The following GPHN variants were observed in gnomAD, a reference collection of about 807,000 sequenced individuals.
The protein encoded by GPHN is gephyrin.
In GPHN, 17 loss-of-function variants were observed where a neutral mutation model predicts 95.5. The ratio of observed to expected loss-of-function variants is 0.18; its 90% CI spans 0.12 to 0.27. GPHN has a LOEUF of 0.27. GPHN is among the 10% of genes least tolerant of loss of function. The probability of loss-of-function intolerance (pLI) is 1.00; values close to 1 mark genes in which losing one functional copy is unlikely to be tolerated. For synonymous variants in GPHN, 320 were observed against 322.5 expected, an observed-to-expected ratio of 0.99 and a Z score of 0.08; for missense variants, 660 against 978.1, an observed-to-expected ratio of 0.67 and a Z score of 4.34.
intron 2 of GPHN, among the ~76,000 whole-genome samples, chr14:66,772,902 G>A (rs1234342218): frequency 6.6e-6 from 1 of 152,196 alleles, no homozygotes; most frequent in Non-Finnish European, 1.5e-5. Flanking sequence ...TTGCCCCAAT[G>A]TTGAAGTTTA....
At chr14:66,731,286 G>A (rs2071745949) in intron 2 of GPHN, among the ~76,000 whole-genome samples, 1 of 152,210 alleles carries the variant, frequency 6.6e-6, no homozygotes, top group South Asian at 2.1e-4. Flanking sequence ...CTTTGGAACT[G>A]GGTAACAGGC....
At chr14:66,825,594 T>C (rs531369076) in intron 4 of GPHN, among the ~76,000 whole-genome samples, 3 of 151,992 alleles carry the variant, frequency 2.0e-5, no homozygotes, top group African/African-American at 7.2e-5. Flanking sequence ...CCCCAGGTGA[T>C]GCAGATGTTG....
At chr14:67,339,470 C>T in the GPHN span, among the ~76,000 whole-genome samples, 1 of 152,134 alleles carries the variant, frequency 6.6e-6, no homozygotes, top group Non-Finnish European at 1.5e-5. Context: ...AACTCCAGGT[C>T]TAAGACCCCC....
chr14:67,153,805 C>A (rs1883603692), intron 18 of GPHN, among the ~76,000 whole-genome samples: 1 of 152,104 alleles, frequency 6.6e-6, no homozygotes, highest in Non-Finnish European at 1.5e-5. Context: ...CATTTTTCTT[C>A]TTCTCATATG....
chr14:67,594,584 CGGAGGT>C, the GPHN span, among the ~76,000 whole-genome samples: 1 of 151,180 alleles, frequency 6.6e-6, no homozygotes, highest in Non-Finnish European at 1.5e-5. Flanking sequence ...GAGGCGGAGG[CGGAGGT>C]TGCAGTGAGC....
intron 16 of GPHN, among the ~76,000 whole-genome samples, chr14:67,119,846 G>C (rs866984675): frequency 6.6e-6 from 1 of 151,902 alleles, no homozygotes; most frequent in Non-Finnish European, 1.5e-5. Flanking sequence ...TGGGAAGATA[G>C]TGGCCAGGTA....
chr14:67,263,227 T>A, the GPHN span, among the ~76,000 whole-genome samples: 1 of 152,222 alleles, frequency 6.6e-6, no homozygotes, highest in Admixed American at 6.5e-5. Context: ...ATAGGGACCC[T>A]AATTTGTCTA....
chr14:67,338,749 G>A, the GPHN span: 1 of 1,611,902 alleles, frequency 6.2e-7, no homozygotes. Flanking sequence ...TTCTTCTCTT[G>A]TATTTTCTTT....
chr14:67,067,678 G>T (rs913223187), intron 11 of GPHN, among the ~76,000 whole-genome samples: 7 of 151,882 alleles, frequency 4.6e-5, no homozygotes, highest in African/African-American at 1.7e-4. Context: ...CCCTCCCCCC[G>T]CCAGGCTGCA....
At chr14:67,422,642 ACTT>A in the GPHN span, among the ~76,000 whole-genome samples, 1 of 152,140 alleles carries the variant, frequency 6.6e-6, no homozygotes, top group Non-Finnish European at 1.5e-5. Context: ...TTCACCCCTA[ACTT>A]CTTCTCTCAT....
the GPHN span, among the ~76,000 whole-genome samples, chr14:67,437,205 A>G: frequency 6.6e-6 from 1 of 152,218 alleles, no homozygotes; most frequent in African/African-American, 2.4e-5. Flanking sequence ...CTGGGAAGCT[A>G]CAATCATGAA....
the GPHN span, among the ~76,000 whole-genome samples, chr14:67,221,109 A>C: frequency 6.6e-6 from 1 of 152,238 alleles, no homozygotes; most frequent in Non-Finnish European, 1.5e-5. Context: ...GATTATTATC[A>C]GTTTTAAAAA....
chr14:67,441,592 A>T, the GPHN span, among the ~76,000 whole-genome samples: 1,010 of 152,218 alleles, frequency 6.6e-3, 14 homozygotes, highest in South Asian at 0.044. Context: ...TTGGCTCAAC[A>T]TTATTTGGGG....
chr14:66,853,970 T>G (rs1299337223), intron 4 of GPHN, among the ~76,000 whole-genome samples: 1 of 152,220 alleles, frequency 6.6e-6, no homozygotes, highest in Non-Finnish European at 1.5e-5. Flanking sequence ...TATCATATCA[T>G]TTTATCACCA....
chr14:67,503,008 G>T, the GPHN span, among the ~76,000 whole-genome samples: 1 of 152,144 alleles, frequency 6.6e-6, no homozygotes, highest in South Asian at 2.1e-4. Flanking sequence ...ACACTTTAAA[G>T]ATGAAACCAA....
At chr14:66,862,132 C>T (rs561029933) in intron 4 of GPHN, among the ~76,000 whole-genome samples, 3 of 151,520 alleles carry the variant, frequency 2.0e-5, no homozygotes, top group African/African-American at 7.2e-5. Context: ...TACAAATAAA[C>T]AAAATCAAAA....
At chr14:67,538,382 C>G in the GPHN span, among the ~76,000 whole-genome samples, 5 of 152,170 alleles carry the variant, frequency 3.3e-5, no homozygotes, top group East Asian at 1.9e-4. Context: ...TTCATTGTGA[C>G]TAATTGTGTT....
intron 8 of GPHN, among the ~76,000 whole-genome samples, chr14:66,951,020 G>C (rs1293460930): frequency 1.3e-5 from 2 of 152,022 alleles, no homozygotes; most frequent in African/African-American, 4.8e-5. Flanking sequence ...CCCCTCTCAG[G>C]ATCAAGCGAT....
At chr14:67,297,798 C>T in the GPHN span, among the ~76,000 whole-genome samples, 1 of 152,180 alleles carries the variant, frequency 6.6e-6, no homozygotes, top group Non-Finnish European at 1.5e-5. Context: ...TATTTCAGTG[C>T]TATTTGTCAG....
Sources: allele counts gnomAD v4.1 joint callset (sites outside exome capture counted in the v4.1 genomes callset), GRCh38; gene constraint gnomAD v4.1.1; transcripts MANE v1.5; gene names NCBI Gene and HGNC (gene_info 2026-07-23, HGNC 2026-07-21).